SREBF2: variants seen among roughly 807,000 people sequenced by gnomAD.
The protein encoded by SREBF2 is sterol regulatory element binding transcription factor 2, also known as sterol regulatory element-binding protein 2.
A neutral mutation model predicts 113.1 loss-of-function variants in SREBF2; 55 were observed. The ratio of observed to expected loss-of-function variants is 0.49; its 90% CI spans 0.39 to 0.61. The LOEUF is 0.61. Ranked by LOEUF, SREBF2 falls within the 20% of genes least tolerant of loss-of-function variation. The pLI is 0.00. For synonymous variants in SREBF2, 593 were observed against 605.7 expected (o/e 0.98, Z 0.31); for missense variants, 1,349 against 1,487.4 (o/e 0.91, Z 1.53).
intron 11 of SREBF2, among the ~76,000 whole-genome samples, chr22:41,890,204 G>C (rs1414301674): frequency 6.6e-6 from 1 of 152,096 alleles, no homozygotes; most frequent in African/African-American, 2.4e-5. Flanking sequence ...CACACCTCAA[G>C]CTTTGGAATC....
chr22:41,852,856 G>A (rs2267440), intron 1 of SREBF2, among the ~76,000 whole-genome samples: 118,103 of 151,158 alleles, frequency 0.78, 46,451 homozygotes, highest in Admixed American at 0.85. Flanking sequence ...CCTGGGTTCA[G>A]GTGATTCTTC....
At chr22:41,887,464 CT>C (rs1209787321) in intron 11 of SREBF2, among the ~76,000 whole-genome samples, 1 of 152,146 alleles carries the variant, frequency 6.6e-6, no homozygotes, top group Non-Finnish European at 1.5e-5. Context: ...TCTGTTTAAA[CT>C]ATATTAATAT....
At chr22:41,843,042 T>G (rs1308267661) in intron 1 of SREBF2, among the ~76,000 whole-genome samples, 2 of 152,092 alleles carry the variant, frequency 1.3e-5, no homozygotes, top group East Asian at 3.8e-4. Context: ...TCTAGGTGTG[T>G]GTAAGTATAC....
At chr22:41,841,080 T>C (rs1422428154) in intron 1 of SREBF2, among the ~76,000 whole-genome samples, 1 of 152,168 alleles carries the variant, frequency 6.6e-6, no homozygotes, top group East Asian at 1.9e-4. Context: ...AGTCTGGGTG[T>C]TCACACCATT....
chr22:41,843,847 A>C (rs2076850840), intron 1 of SREBF2, among the ~76,000 whole-genome samples: 1 of 150,962 alleles, frequency 6.6e-6, no homozygotes, highest in African/African-American at 2.4e-5. Flanking sequence ...ATTTCTGTAA[A>C]AAAAAAAAAA....
chr22:41,904,806 G>A, intron 17 of SREBF2, 57 bp from the exon 18 acceptor site: 1 of 1,371,614 alleles, frequency 7.3e-7, no homozygotes, highest in Non-Finnish European at 1.0e-6. Flanking sequence ...GAGCTACCCT[G>A]GGCATAGATG....
Position 41,839,651 on chromosome 22 carries a change from C to T in SREBF2, c.88+6293C>T, listed in dbSNP as rs185714561. 3.9e-5 allele frequency among the ~76,000 whole-genome samples: 6 copies of T among 152,266 alleles called. No individual in the cohort carries two copies. In the East Asian group the frequency reaches 1.2e-3, roughly 29 times the overall value. ...CTACTTTCTGTCTTGATGAGTTTGCCTGTTCTGGACAACTCATAAATGGAA... is the reference window on the plus strand; with the variant it reads ...CTACTTTCTGTCTTGATGAGTTTGCTTGTTCTGGACAACTCATAAATGGAA... On this transcript the variant is annotated intron_variant, in intron 1 of 18. Transcript: ENST00000361204.
At chr22:41,837,869 AAAAAAAG>A (rs2076793543) in intron 1 of SREBF2, among the ~76,000 whole-genome samples, 1 of 151,814 alleles carries the variant, frequency 6.6e-6, no homozygotes, top group African/African-American at 2.4e-5. Flanking sequence ...AAAAAAAAAA[AAAAAAAG>A]AAAGAAAGAA....
At chr22:41,895,727 C>T (rs1273705186) in intron 13 of SREBF2, among the ~76,000 whole-genome samples, 3 of 151,958 alleles carry the variant, frequency 2.0e-5, no homozygotes, top group Admixed American at 6.6e-5. Context: ...TGAGCCACCA[C>T]GCCTGGCAGG....
chr22:41,835,431 C>T (rs1468403045), intron 1 of SREBF2, among the ~76,000 whole-genome samples: 1 of 151,212 alleles, frequency 6.6e-6, no homozygotes, highest in Non-Finnish European at 1.5e-5. Context: ...CTGTCTCAGC[C>T]TCCCGAGTAG....
In SREBF2 at chr22:41,899,248, C is replaced by G. The variant is rs1193559198; in HGVS notation, c.2738+467C>G. On this transcript the variant is annotated intron_variant, in intron 15 of 18. Transcript: ENST00000361204. ...CACTTTCCTTCCAGCCACCTCCACCCCCACCATCAACCCTGGCAACTTTGT... is the reference window on the plus strand; with the variant it reads ...CACTTTCCTTCCAGCCACCTCCACCGCCACCATCAACCCTGGCAACTTTGT... 7 of 1,076,342 alleles carry G rather than the reference C, an allele frequency of 6.5e-6. No homozygotes were observed. In the African/African-American group the frequency reaches 1.1e-4, roughly 18 times the overall value. 66.7% of individuals were successfully genotyped at this position (1,076,342 alleles called of 1,614,324 possible).
chr22:41,884,591 T>A (rs2077281833), intron 10 of SREBF2, among the ~76,000 whole-genome samples: 1 of 152,210 alleles, frequency 6.6e-6, no homozygotes, highest in Non-Finnish European at 1.5e-5. Context: ...TACAACAACC[T>A]GCAATTGTGA....
chr22:41,875,914 G>C (rs1244899931), intron 7 of SREBF2, among the ~76,000 whole-genome samples, 190 bp downstream of exon 7: 2 of 152,226 alleles, frequency 1.3e-5, no homozygotes, highest in Non-Finnish European at 2.9e-5. Context: ...GGGGGAAACA[G>C]TCCCTCAGGT....
rs2077512954 is a variant in SREBF2 at position 41,906,784 on chromosome 22, C to G, written c.*1124C>G. 1 of 152,186 alleles carries G rather than the reference C, an allele frequency of 6.6e-6. No individual in the cohort carries two copies. 9.4% of individuals were successfully genotyped at this position (152,186 alleles called of 1,614,324 possible). A position where few individuals can be genotyped will look rare whatever the true frequency, so the allele number is the denominator to read the frequency against. ...CCTAATCCCTCCCCAGCGGCAAGCC[C>G]CTCTTTTCAGAGTGGGCAGAGGGTT... On this transcript the variant is annotated 3_prime_UTR_variant, in exon 19 of 19. Transcript: ENST00000361204.
chr22:41,848,208 G>A (rs7292219), intron 1 of SREBF2, among the ~76,000 whole-genome samples: 18,642 of 152,000 alleles, frequency 0.12, 1,655 homozygotes, highest in Admixed American at 0.31. Flanking sequence ...CCACTAACTC[G>A]TCATCTAGCA....
chr22:41,867,632 C>T (rs2077096636), intron 2 of SREBF2, among the ~76,000 whole-genome samples: 1 of 152,106 alleles, frequency 6.6e-6, no homozygotes, highest in African/African-American at 2.4e-5. Context: ...CAGTGAAACC[C>T]CATCTCTACT....
chr22:41,862,670 A>C (rs920695979), intron 1 of SREBF2, among the ~76,000 whole-genome samples: 1 of 152,188 alleles, frequency 6.6e-6, no homozygotes, highest in African/African-American at 2.4e-5. Context: ...TGTAGCTCAC[A>C]GTTACAAAGC....
At chr22:41,864,291 C>G (rs1236635919) in intron 1 of SREBF2, among the ~76,000 whole-genome samples, 1 of 65,580 alleles carries the variant, frequency 1.5e-5, no homozygotes, top group South Asian at 4.5e-4. Flanking sequence ...CACAAAATAT[C>G]AAAATATATA....
chr22:41,866,943 T>TGGC lies in SREBF2; in HGVS notation c.202_204dup (p.Gly68dup), dbSNP rs767167336. 1.7e-5 allele frequency: 27 copies of TGGC among 1,613,408 alleles called. No homozygotes were observed. The highest frequency in any genetic ancestry group is 2.0e-5 in the Non-Finnish European group (24 of 1,179,666). On this transcript the variant is annotated inframe_insertion, in exon 2 of 19. Coordinates refer to ENST00000361204, the MANE Select transcript of SREBF2 (RefSeq NM_004599.4). ...GTAGTGGTAGCAGCAGCGGCAGCAGTGGCAGCAGCAGCAGCAGCAGCAATG... is the reference window on the plus strand; with the variant it reads ...GTAGTGGTAGCAGCAGCGGCAGCAGTGGCGGCAGCAGCAGCAGCAGCAGCAATG...
Sources: allele counts gnomAD v4.1 joint callset (sites outside exome capture counted in the v4.1 genomes callset), GRCh38; gene constraint gnomAD v4.1.1; transcripts MANE v1.5; gene names NCBI Gene and HGNC (gene_info 2026-07-23, HGNC 2026-07-21).